The following TEX11 variants were observed in gnomAD, a reference collection of about 807,000 sequenced individuals.
The protein encoded by TEX11 is testis expressed 11.
TEX11 carries 7 observed loss-of-function variants against 84.4 expected under a neutral mutation model. The ratio of observed to expected loss-of-function variants is 0.08; its 90% CI spans 0.05 to 0.16. The LOEUF (loss-of-function observed/expected upper bound fraction) is 0.16, where lower values mean the gene tolerates loss of function less well. TEX11 is among the 10% of genes least tolerant of loss of function. TEX11 has a pLI of 1.00. For missense variants in TEX11, 551 were observed against 660.5 expected (o/e 0.83, Z 1.82); for synonymous variants, 264 against 222.8 (o/e 1.18, Z -1.64).
chrX:70,634,913 G>A (rs898732114), intron 17 of TEX11, among the ~76,000 whole-genome samples: 1 of 111,791 alleles, frequency 8.9e-6, no homozygotes, highest in Non-Finnish European at 1.9e-5. Flanking sequence ...AAAATAAATA[G>A]GACTATGTCG....
chrX:70,789,820 C>T (rs750981519), intron 9 of TEX11, among the ~76,000 whole-genome samples: 46 of 112,020 alleles, frequency 4.1e-4, no homozygotes, highest in Non-Finnish European at 7.9e-4. Context: ...GTCAAAGAGA[C>T]GTCTACACTT....
chrX:70,905,485 A>C (rs1240532851), intron 2 of TEX11, among the ~76,000 whole-genome samples: 2 of 111,947 alleles, frequency 1.8e-5, no homozygotes, highest in East Asian at 5.6e-4. Flanking sequence ...ATTTTGTTTT[A>C]TTAAACTTTT....
chrX:70,879,935 T>A, intron 3 of TEX11, 53 bp downstream of exon 3: 1 of 1,066,780 alleles, frequency 9.4e-7, no homozygotes, highest in Non-Finnish European at 1.3e-6. Flanking sequence ...ATACATTGGT[T>A]AAAATGAAGA....
At chrX:70,844,300 T>C (rs1244278035) in intron 7 of TEX11, among the ~76,000 whole-genome samples, 1 of 109,608 alleles carries the variant, frequency 9.1e-6, no homozygotes, top group Non-Finnish European at 1.9e-5. Flanking sequence ...GATGAGTTCA[T>C]GTCCTTTGTA....
chrX:70,756,050 G>A (rs1487077563), intron 9 of TEX11, among the ~76,000 whole-genome samples: 1 of 112,059 alleles, frequency 8.9e-6, no homozygotes, highest in Non-Finnish European at 1.9e-5. Flanking sequence ...GAGGGGTGTT[G>A]CCATTGCTGA....
intron 18 of TEX11, among the ~76,000 whole-genome samples, chrX:70,628,095 T>C (rs1414076133): frequency 9.1e-6 from 1 of 110,133 alleles, no homozygotes; most frequent in South Asian, 4.0e-4. Context: ...CAGGTGTGGC[T>C]GGCGCACACC....
intron 11 of TEX11, among the ~76,000 whole-genome samples, chrX:70,732,314 C>T (rs1469356401): frequency 2.7e-5 from 3 of 109,502 alleles, no homozygotes; most frequent in Non-Finnish European, 3.8e-5. Flanking sequence ...GGCAATCAGG[C>T]AGAAGGAAAT....
intron 5 of TEX11, among the ~76,000 whole-genome samples, chrX:70,859,531 G>A (rs1317269670): frequency 3.3e-5 from 3 of 90,078 alleles, no homozygotes; most frequent in South Asian, 5.8e-4. Flanking sequence ...GCAGTGAGCC[G>A]AGAACACACC....
chrX:70,527,554 G>A (rs1019757336), downstream of TEX11, among the ~76,000 whole-genome samples: 3 of 112,105 alleles, frequency 2.7e-5, no homozygotes, highest in African/African-American at 9.7e-5. Flanking sequence ...TGTAGGAGAT[G>A]GTAGAAGCAT....
At chrX:70,597,615 A>C (rs936394768) in intron 24 of TEX11, among the ~76,000 whole-genome samples, 1 of 111,631 alleles carries the variant, frequency 9.0e-6, no homozygotes, top group Non-Finnish European at 1.9e-5. Context: ...CACAAAAATT[A>C]ACTCAAAATG....
chrX:70,746,629 T>A (rs1358651704), intron 9 of TEX11, among the ~76,000 whole-genome samples: 1 of 112,117 alleles, frequency 8.9e-6, no homozygotes, highest in African/African-American at 3.2e-5. Flanking sequence ...CATCTCTTCC[T>A]GAGGGGAATG....
At chrX:70,842,544 T>C (rs956020621) in intron 7 of TEX11, among the ~76,000 whole-genome samples, 1 of 111,992 alleles carries the variant, frequency 8.9e-6, no homozygotes, top group African/African-American at 3.2e-5. Context: ...GGGCAAACAC[T>C]GGAAGCATTC....
chrX:70,744,091 C>A, intron 10 of TEX11, 74 bp downstream of exon 10: 1 of 605,599 alleles, frequency 1.7e-6, no homozygotes, highest in Non-Finnish European at 2.3e-6. Flanking sequence ...GGGGAGTACG[C>A]TATTATAATT....
At chrX:70,754,062 G>A (rs1224091295) in intron 9 of TEX11, among the ~76,000 whole-genome samples, 4 of 111,079 alleles carry the variant, frequency 3.6e-5, no homozygotes, top group South Asian at 3.9e-4. Context: ...CAGAAAAATA[G>A]AGGGAAACGT....
chrX:70,731,289 G>T (rs944505227), intron 11 of TEX11, among the ~76,000 whole-genome samples: 6 of 111,259 alleles, frequency 5.4e-5, no homozygotes, highest in Non-Finnish European at 9.4e-5. Context: ...CAGAAGGCAA[G>T]AAATAACTAA....
rs1419633430 is a variant in TEX11 at position 70,602,453 on chromosome X, C to T, written c.2067+2948G>A. Among the ~76,000 whole-genome samples, 4 of 104,002 alleles carry T rather than the reference C, an allele frequency of 3.8e-5. No homozygotes were observed. The Admixed American group carries it at 4.1e-4, about 11-fold the overall frequency. 90.3% of individuals were successfully genotyped at this position (104,002 alleles called of 115,157 possible). A position where few individuals can be genotyped will look rare whatever the true frequency, so the allele number is the denominator to read the frequency against. ...TAAACAGAGCCAAAGACAAAAACCACATGATTATCTCAATAGATGCAGAAA... is the reference window on the plus strand; with the variant it reads ...TAAACAGAGCCAAAGACAAAAACCATATGATTATCTCAATAGATGCAGAAA... On this transcript the variant is annotated intron_variant, in intron 24 of 29. Transcript: ENST00000374333.
intron 11 of TEX11, among the ~76,000 whole-genome samples, chrX:70,731,537 T>C (rs1387377696): frequency 1.8e-5 from 2 of 111,369 alleles, no homozygotes; most frequent in South Asian, 3.8e-4. Context: ...TCCACGCAAA[T>C]AAACTAGAAA....
intron 17 of TEX11, among the ~76,000 whole-genome samples, chrX:70,634,571 A>G (rs987193483): frequency 1.2e-4 from 13 of 111,464 alleles, no homozygotes; most frequent in African/African-American, 4.2e-4. Context: ...ATGGATGAAT[A>G]GAAGAATGGA....
intron 25 of TEX11, among the ~76,000 whole-genome samples, chrX:70,580,699 G>T (rs1052276578): frequency 2.7e-5 from 3 of 111,991 alleles, no homozygotes; most frequent in Non-Finnish European, 5.6e-5. Flanking sequence ...ACTTCGGTCT[G>T]TTTTTCCTAA....
Sources: gnomAD v4.1 joint callset for allele counts (sites outside exome capture counted in the v4.1 genomes callset) on GRCh38, gnomAD v4.1.1 for gene constraint, MANE v1.5 for transcripts, NCBI Gene and HGNC (gene_info 2026-07-23, HGNC 2026-07-21) for gene names.